GPR39: variants seen among roughly 807,000 people sequenced by gnomAD.
The protein encoded by GPR39 is zinc sensing receptor.
A neutral mutation model predicts 18.4 loss-of-function variants in GPR39; 23 were observed. The observed-to-expected ratio is 1.25, with a 90% CI of 0.90 to 1.77. The LOEUF (loss-of-function observed/expected upper bound fraction) is 1.77. Ranked by LOEUF, GPR39 falls within the 40% of genes most tolerant of loss-of-function variation. The probability of loss-of-function intolerance (pLI) is 0.00; values close to 1 mark genes in which losing one functional copy is unlikely to be tolerated. For synonymous variants in GPR39, 280 were observed against 257.9 expected (o/e 1.09, Z -0.82); for missense variants, 647 against 602.4 (o/e 1.07, Z -0.78).
chr2:132,522,884 T>C (rs1398754846), intron 1 of GPR39, among the ~76,000 whole-genome samples: 4 of 152,246 alleles, frequency 2.6e-5, no homozygotes, highest in African/African-American at 9.6e-5. Flanking sequence ...ACTGCATTGA[T>C]GTGGACCTTC....
chr2:132,632,792 CT>C (rs1558865432), intron 1 of GPR39, among the ~76,000 whole-genome samples: 3 of 152,144 alleles, frequency 2.0e-5, no homozygotes, highest in African/African-American at 7.2e-5. Flanking sequence ...TTAATTTTAG[CT>C]GAGTATTACC....
intron 1 of GPR39, among the ~76,000 whole-genome samples, chr2:132,526,776 A>G (rs1679522487): frequency 1.3e-5 from 2 of 152,230 alleles, no homozygotes; most frequent in Admixed American, 6.5e-5. Flanking sequence ...GTGCTCCAGT[A>G]TTAATAAATG....
chr2:132,482,353 G>C (rs898063072), intron 1 of GPR39, among the ~76,000 whole-genome samples: 6 of 152,022 alleles, frequency 3.9e-5, no homozygotes, highest in Non-Finnish European at 8.8e-5. Flanking sequence ...GCCCCTAAAT[G>C]CCTCCTTTAG....
At chr2:132,473,842 C>A (rs1483806463) in intron 1 of GPR39, among the ~76,000 whole-genome samples, 1 of 152,124 alleles carries the variant, frequency 6.6e-6, no homozygotes, top group Non-Finnish European at 1.5e-5. Flanking sequence ...AGTATTGCAT[C>A]CAATTTATCC....
At chr2:132,531,264 T>G (rs4340583) in intron 1 of GPR39, among the ~76,000 whole-genome samples, 34,558 of 151,968 alleles carry the variant, frequency 0.23, 4,516 homozygotes, top group East Asian at 0.62. Context: ...AGAAGGCCAT[T>G]ACATAATGGT....
In GPR39 at chr2:132,591,257, C is replaced by CAAAAAAA. The variant is rs747314988; in HGVS notation, c.857-53830_857-53824dup. ...TGGGCGACAGAGCGAGACTCCGTCT[C>CAAAAAAA]AAAAAAAAAAAAAAAAAAAACAAAA... On this transcript the variant is annotated intron_variant, in intron 1 of 1. Coordinates refer to ENST00000329321, the MANE Select transcript of GPR39 (RefSeq NM_001508.3). Among the ~76,000 whole-genome samples, 21 of 24,472 alleles carry CAAAAAAA rather than the reference C, an allele frequency of 8.6e-4. 3 individuals carry two copies. Among genetic ancestry groups the CAAAAAAA allele is most frequent in the African/African-American group, 4.0e-3 (19 of 4,726 alleles). The allele number at this position is 24,472 out of a possible 152,430, so 16.1% of individuals were successfully genotyped here.
intron 1 of GPR39, among the ~76,000 whole-genome samples, chr2:132,456,478 A>T (rs953503858): frequency 1.3e-5 from 2 of 152,156 alleles, no homozygotes; most frequent in Non-Finnish European, 2.9e-5. Context: ...GCCCATTTAC[A>T]TTTAAGGGTA....
chr2:132,620,952 T>A (rs977427036), intron 1 of GPR39, among the ~76,000 whole-genome samples: 1 of 151,982 alleles, frequency 6.6e-6, no homozygotes, highest in Non-Finnish European at 1.5e-5. Context: ...CGGGGTTTCA[T>A]TGTGTTAGCC....
intron 1 of GPR39, among the ~76,000 whole-genome samples, chr2:132,519,081 A>G (rs562156616): frequency 6.6e-6 from 1 of 152,230 alleles, no homozygotes; most frequent in Non-Finnish European, 1.5e-5. Flanking sequence ...TACACAACCT[A>G]TAAGCAGGAG....
intron 1 of GPR39, among the ~76,000 whole-genome samples, chr2:132,442,030 T>C (rs919382118): frequency 5.9e-5 from 9 of 152,114 alleles, no homozygotes; most frequent in Admixed American, 6.5e-5. Context: ...CTAAAGTCAG[T>C]GTCAAGGCAA....
chr2:132,427,921 A>G (rs1226637642), intron 1 of GPR39, among the ~76,000 whole-genome samples: 1 of 135,020 alleles, frequency 7.4e-6, no homozygotes, highest in East Asian at 2.0e-4. Flanking sequence ...ATATTTAAAT[A>G]TATATATTAT....
At chr2:132,500,587 C>T (rs1304142205) in intron 1 of GPR39, among the ~76,000 whole-genome samples, 1 of 152,072 alleles carries the variant, frequency 6.6e-6, no homozygotes, top group Non-Finnish European at 1.5e-5. Context: ...GTGATACTGG[C>T]TTTGTAGAAT....
intron 1 of GPR39, among the ~76,000 whole-genome samples, chr2:132,567,167 C>T (rs111500062): frequency 0.011 from 1,666 of 152,222 alleles, 25 homozygotes; most frequent in African/African-American, 0.038. Context: ...AGTAAAAATA[C>T]AAAAATTAAC....
At chr2:132,498,583 G>A (rs1681693105) in intron 1 of GPR39, among the ~76,000 whole-genome samples, 2 of 152,136 alleles carry the variant, frequency 1.3e-5, no homozygotes, top group South Asian at 4.1e-4. Context: ...CCTCTGGGGA[G>A]ATACATAGTG....
chr2:132,454,027 G>A (rs1680676532), intron 1 of GPR39, among the ~76,000 whole-genome samples: 1 of 152,182 alleles, frequency 6.6e-6, no homozygotes, highest in Non-Finnish European at 1.5e-5. Flanking sequence ...GAAAGTAATA[G>A]GTAGCTTGAT....
In GPR39 at chr2:132,645,630, T is replaced by G; in HGVS notation, c.*24T>G. On this transcript the variant is annotated 3_prime_UTR_variant, in exon 2 of 2. Transcript: ENST00000329321. ...GAATGTCAAGCGAGGGAGCCTTGAG[T>G]GGGAACTGGCCCTCCAGCCCTAAGA... is the stretch of plus-strand genomic sequence containing the variant. 1 of 1,595,586 alleles carries G rather than the reference T, an allele frequency of 6.3e-7. No homozygotes were observed. The highest frequency in any genetic ancestry group is 1.7e-5 in the Admixed American group (1 of 57,892).
chr2:132,460,795 G>T (rs1422351120), intron 1 of GPR39, among the ~76,000 whole-genome samples: 1 of 151,804 alleles, frequency 6.6e-6, no homozygotes, highest in Admixed American at 6.6e-5. Flanking sequence ...TATCAATAAG[G>T]TGCCTACATG....
At chr2:132,574,505 C>T (rs1680497749) in intron 1 of GPR39, among the ~76,000 whole-genome samples, 1 of 152,092 alleles carries the variant, frequency 6.6e-6, no homozygotes, top group African/African-American at 2.4e-5. Flanking sequence ...CTGAGGCAGG[C>T]AGATCTCTTG....
chr2:132,530,642 A>G (rs1356665263), intron 1 of GPR39, among the ~76,000 whole-genome samples: 1 of 152,258 alleles, frequency 6.6e-6, no homozygotes, highest in African/African-American at 2.4e-5. Context: ...CCATCAGACT[A>G]ACATCTGATC....
Sources: gnomAD v4.1 joint callset for allele counts (sites outside exome capture counted in the v4.1 genomes callset) on GRCh38, gnomAD v4.1.1 for gene constraint, MANE v1.5 for transcripts, NCBI Gene and HGNC (gene_info 2026-07-23, HGNC 2026-07-21) for gene names.